Variants in GARIN2 observed in about 807,000 individuals in gnomAD.
The protein encoded by GARIN2 is Golgi-associated RAB2 interactor protein 2.
At chr14:67,210,415 G>A in the GARIN2 span, among the ~76,000 whole-genome samples, 248 of 151,852 alleles carry the variant, frequency 1.6e-3, no homozygotes, top group African/African-American at 5.7e-3. Context: ...GGGAGACCCT[G>A]TCTCTATTTA....
the GARIN2 span, among the ~76,000 whole-genome samples, chr14:67,209,381 T>G: frequency 6.6e-6 from 1 of 152,180 alleles, no homozygotes; most frequent in Non-Finnish European, 1.5e-5. Flanking sequence ...GTCAAGGCCA[T>G]TTGAGCAGAG....
chr14:67,198,435 C>A, the GARIN2 span: 1 of 973,110 alleles, frequency 1.0e-6, no homozygotes, highest in Non-Finnish European at 1.5e-6. Context: ...ATGTGTGATA[C>A]TACAAAAGAG....
the GARIN2 span, among the ~76,000 whole-genome samples, chr14:67,225,898 T>C: frequency 1.3e-5 from 2 of 151,014 alleles, no homozygotes; most frequent in Non-Finnish European, 1.5e-5. Context: ...GTGTCTTCTG[T>C]TGCCTCCTTC....
chr14:67,227,493 T>C, the GARIN2 span: 1 of 151,884 alleles, frequency 6.6e-6, no homozygotes, highest in Non-Finnish European at 1.5e-5. Flanking sequence ...TCCTTATATT[T>C]TGAATTGCTG....
At chr14:67,221,646 G>A in the GARIN2 span, 1 of 1,380,020 alleles carries the variant, frequency 7.2e-7, no homozygotes, top group South Asian at 1.4e-5. Flanking sequence ...AATGGCCTAG[G>A]TTTGCTAAAC....
the GARIN2 span, chr14:67,202,983 A>G: frequency 1.8e-6 from 2 of 1,138,694 alleles, no homozygotes; most frequent in East Asian, 5.0e-5. Flanking sequence ...CAAATATATC[A>G]TGGTTCATTC....
the GARIN2 span, among the ~76,000 whole-genome samples, chr14:67,226,763 C>A: frequency 4.6e-5 from 7 of 152,206 alleles, no homozygotes; most frequent in Admixed American, 4.6e-4. Context: ...AATGTCCACA[C>A]TCCATAATTC....
chr14:67,225,941 G>GTGTGTGTC, the GARIN2 span, among the ~76,000 whole-genome samples: 1 of 134,334 alleles, frequency 7.4e-6, no homozygotes. Context: ...GTGTGTGTGT[G>GTGTGTGTC]TGTGTGTGTG....
the GARIN2 span, among the ~76,000 whole-genome samples, chr14:67,205,609 T>G: frequency 2.0e-5 from 3 of 151,476 alleles, no homozygotes; most frequent in African/African-American, 7.3e-5. Flanking sequence ...GGCCAGAGAG[T>G]GGAAAAACAG....
the GARIN2 span, among the ~76,000 whole-genome samples, chr14:67,226,691 A>G: frequency 6.6e-6 from 1 of 152,182 alleles, no homozygotes; most frequent in African/African-American, 2.4e-5. Context: ...GGGCCCCCCA[A>G]GATGCACACT....
chr14:67,203,465 A>G, the GARIN2 span, among the ~76,000 whole-genome samples: 1 of 152,214 alleles, frequency 6.6e-6, no homozygotes, highest in African/African-American at 2.4e-5. Flanking sequence ...CATGTATGAC[A>G]ATGGGTATCC....
At chr14:67,209,944 C>A in the GARIN2 span, among the ~76,000 whole-genome samples, 1 of 151,858 alleles carries the variant, frequency 6.6e-6, no homozygotes, top group Admixed American at 6.6e-5. Context: ...AAAATTTACT[C>A]CAGAAGACAA....
chr14:67,192,437 T>A, the GARIN2 span, among the ~76,000 whole-genome samples: 1 of 152,062 alleles, frequency 6.6e-6, no homozygotes, highest in Non-Finnish European at 1.5e-5. Context: ...TCACCAAAGT[T>A]AATTATGATA....
the GARIN2 span, among the ~76,000 whole-genome samples, chr14:67,220,644 G>A: frequency 6.6e-6 from 1 of 152,042 alleles, no homozygotes; most frequent in Non-Finnish European, 1.5e-5. Context: ...CTCATATCTT[G>A]ACAGTAGTCC....
chr14:67,226,111 T>C, the GARIN2 span, among the ~76,000 whole-genome samples: 2 of 152,250 alleles, frequency 1.3e-5, no homozygotes, highest in Admixed American at 6.5e-5. Flanking sequence ...AGGTGCTCAC[T>C]CTTCTGTCCA....
the GARIN2 span, chr14:67,203,142 G>A: frequency 3.7e-6 from 6 of 1,613,708 alleles, no homozygotes; most frequent in Non-Finnish European, 5.1e-6. Flanking sequence ...AGCCAACTGG[G>A]TGACCGTAGG....
chr14:67,221,005 T>C, the GARIN2 span, among the ~76,000 whole-genome samples: 2 of 152,190 alleles, frequency 1.3e-5, no homozygotes, highest in Non-Finnish European at 2.9e-5. Flanking sequence ...AAAATACTTA[T>C]TGAAAATGTG....
the GARIN2 span, chr14:67,204,910 G>A: frequency 6.2e-7 from 1 of 1,611,172 alleles, no homozygotes; most frequent in East Asian, 2.2e-5. Flanking sequence ...CGACATCACA[G>A]ATGTCACAGA....
chr14:67,224,345 G>A, the GARIN2 span, among the ~76,000 whole-genome samples: 3 of 148,674 alleles, frequency 2.0e-5, no homozygotes, highest in African/African-American at 7.5e-5. Flanking sequence ...TGCAACCTCC[G>A]CCTCCCAGGT....
Sources: allele counts gnomAD v4.1 joint callset (sites outside exome capture counted in the v4.1 genomes callset), GRCh38; gene constraint gnomAD v4.1.1; transcripts MANE v1.5; gene names NCBI Gene and HGNC (gene_info 2026-07-23, HGNC 2026-07-21).